Variants in CNTN6 observed in about 807,000 individuals in gnomAD.
The protein encoded by CNTN6 is contactin-6.
In CNTN6, 137 loss-of-function variants were observed where a neutral mutation model predicts 122.8. That is an observed-to-expected ratio of 1.12 (90% confidence interval 0.97 to 1.29). The LOEUF (loss-of-function observed/expected upper bound fraction) is 1.29. Ranked by LOEUF, CNTN6 falls within the 50% of genes most tolerant of loss-of-function variation. CNTN6 has a pLI of 0.00. For synonymous variants in CNTN6, 570 were observed against 426.0 expected (o/e 1.34, Z -4.16); for missense variants, 1,634 against 1,223.4 (o/e 1.34, Z -5.01).
chr3:1,373,547 C>T (rs1338425330), intron 14 of CNTN6, 57 bp from the exon 15 acceptor site: 3 of 1,545,552 alleles, frequency 1.9e-6, no homozygotes, highest in South Asian at 1.2e-5. Context: ...CATCCTAGTA[C>T]CAAATTAATG....
At chr3:1,318,401 C>T (rs563475691) in intron 7 of CNTN6, among the ~76,000 whole-genome samples, 1 of 151,542 alleles carries the variant, frequency 6.6e-6, no homozygotes, top group Non-Finnish European at 1.5e-5. Context: ...TATAAAAATA[C>T]TATAATAAGA....
intron 20 of CNTN6, among the ~76,000 whole-genome samples, chr3:1,400,725 G>A (rs1468775307): frequency 6.6e-6 from 1 of 152,062 alleles, no homozygotes. Context: ...GACTATCTCT[G>A]AACAGAGGAG....
chr3:1,388,191 C>T (rs567285452), intron 20 of CNTN6, among the ~76,000 whole-genome samples: 11 of 150,798 alleles, frequency 7.3e-5, no homozygotes, highest in East Asian at 5.8e-4. Flanking sequence ...AGCACTGGTT[C>T]TCCCAGCATG....
intron 7 of CNTN6, among the ~76,000 whole-genome samples, chr3:1,300,789 C>T (rs1220496908): frequency 1.3e-5 from 2 of 151,960 alleles, no homozygotes; most frequent in Non-Finnish European, 2.9e-5. Flanking sequence ...GCTACATTCC[C>T]TTTCTCTCTC....
chr3:1,127,061 A>C (rs934656652), intron 1 of CNTN6, among the ~76,000 whole-genome samples: 3 of 151,594 alleles, frequency 2.0e-5, no homozygotes, highest in African/African-American at 4.8e-5. Flanking sequence ...ATATAAAAGT[A>C]AATTTAGTTT....
At chr3:1,170,818 C>T (rs921616282) in intron 2 of CNTN6, among the ~76,000 whole-genome samples, 1 of 152,180 alleles carries the variant, frequency 6.6e-6, no homozygotes, top group African/African-American at 2.4e-5. Flanking sequence ...CATCTCTGCT[C>T]TTTAAGAAGT....
At chr3:1,379,322 G>A (rs1036764169) in intron 17 of CNTN6, among the ~76,000 whole-genome samples, 2 of 152,122 alleles carry the variant, frequency 1.3e-5, no homozygotes, top group Non-Finnish European at 2.9e-5. Flanking sequence ...ATCCATTAAT[G>A]TATTGATGCT....
chr3:1,165,372 C>T (rs954812621), intron 2 of CNTN6, among the ~76,000 whole-genome samples: 43 of 152,160 alleles, frequency 2.8e-4, no homozygotes, highest in African/African-American at 9.9e-4. Context: ...TTATGTTTCT[C>T]ATTTTGCAAA....
At chr3:1,287,657 A>C (rs1694579386) in intron 5 of CNTN6, among the ~76,000 whole-genome samples, 2 of 150,934 alleles carry the variant, frequency 1.3e-5, no homozygotes, top group Admixed American at 1.3e-4. Context: ...GAAGCCAGCC[A>C]AAACCCACCA....
At position 1,104,510 on chromosome 3, in the gene CNTN6, G is replaced by C. The variant is rs892974831; in HGVS notation, c.-83+11390G>C. On this transcript the variant is annotated intron_variant, in intron 1 of 22. Coordinates refer to ENST00000446702, the MANE Select transcript of CNTN6 (RefSeq NM_001289080.2). ...ATAGTACCAGTGGATTTACTAAGAA[G>C]GTAAAATTTGTTCAAAATTTGCAAA... 2.0e-5 allele frequency among the ~76,000 whole-genome samples: 3 copies of C among 152,060 alleles called. No homozygotes were observed. In the East Asian group the frequency reaches 5.8e-4, roughly 29 times the overall value.
At chr3:1,304,942 G>GA (rs1287364094) in intron 7 of CNTN6, among the ~76,000 whole-genome samples, 4 of 140,792 alleles carry the variant, frequency 2.8e-5, no homozygotes, top group Non-Finnish European at 6.0e-5. Context: ...AGTGAGCTGA[G>GA]ATCGTGCTGC....
intron 2 of CNTN6, among the ~76,000 whole-genome samples, chr3:1,184,929 T>C (rs2093607862): frequency 6.6e-6 from 1 of 152,088 alleles, no homozygotes; most frequent in Non-Finnish European, 1.5e-5. Context: ...TATAAAAATA[T>C]TTTGGCTGTG....
chr3:1,166,399 A>C (rs1387874806), intron 2 of CNTN6, among the ~76,000 whole-genome samples: 1 of 152,186 alleles, frequency 6.6e-6, no homozygotes. Flanking sequence ...TGCCAAACAC[A>C]AGGCAATTTC....
At position 1,306,945 on chromosome 3, in the gene CNTN6, T is replaced by C. The variant is rs182790818; in HGVS notation, c.761+8954T>C. 2.6e-5 allele frequency among the ~76,000 whole-genome samples: 4 copies of C among 152,310 alleles called. 1 individual carries two copies. The East Asian group carries it at 5.8e-4, about 22-fold the overall frequency. On this transcript the variant is annotated intron_variant, in intron 7 of 22. Transcript: ENST00000446702. The stretch of plus-strand genomic sequence containing the variant: ...TTTCCTCACTCACTCATTTGACAAA[T>C]TGAGCACAAATTATTCATTCACTTA...
chr3:1,321,745 A>G lies in CNTN6; in HGVS notation c.857A>G (p.Asn286Ser). Residue 286 changes from asparagine (N) to serine (S), a missense_variant, in exon 8 of 23, where the codon AAC becomes AGC. Physicochemically the swap from Asn to Ser is conservative, Grantham distance 46. Coordinates refer to ENST00000446702, the MANE Select transcript of CNTN6 (RefSeq NM_001289080.2). ...TCCCAAGCTATCCTTGAAATCCCGA[A>G]CTTCCAACAAGAAGATGAAGGCTTT... ...SKSQAILEIP[N>S]FQQEDEGFYE... The G allele has an allele frequency of 1.9e-6, 3 of 1,611,930 alleles. No homozygotes were observed. The highest frequency in any genetic ancestry group is 2.5e-6 in the Non-Finnish European group (3 of 1,178,656).
chr3:1,373,624 G>A lies in CNTN6; in HGVS notation c.1807G>A (p.Asp603Asn), dbSNP rs751018812. ...IVRGPPGPPEDVQVEDISSTT... is the reference protein window; with the variant it reads ...IVRGPPGPPENVQVEDISSTT... ...TCAAGGTCCACCAGGTCCTCCTGAG[G>A]ATGTGCAAGTGGAAGACATTTCCAG... Residue 603 changes from aspartate to asparagine, a missense_variant, in exon 15 of 23, where the codon GAT (aspartate) becomes AAT (asparagine). By Grantham distance (23) the Asp-to-Asn change is conservative (BLOSUM62 1). Coordinates refer to ENST00000446702, the MANE Select transcript of CNTN6 (RefSeq NM_001289080.2). The A allele has an allele frequency of 7.4e-6, 12 of 1,612,300 alleles. No individual in the cohort carries two copies. Among genetic ancestry groups the A allele is most frequent in the South Asian group, 1.1e-5 (1 of 90,968 alleles).
At chr3:1,321,588 C>G (rs1290518703) in intron 7 of CNTN6, 62 bp from the exon 8 acceptor site, 6 of 1,400,206 alleles carry the variant, frequency 4.3e-6, no homozygotes, top group Non-Finnish European at 5.8e-6. Context: ...GGATGCTCTT[C>G]TTTTATTTTG....
chr3:1,270,849 G>A (rs919410049), intron 4 of CNTN6, among the ~76,000 whole-genome samples: 1 of 152,204 alleles, frequency 6.6e-6, no homozygotes, highest in Non-Finnish European at 1.5e-5. Flanking sequence ...TGGTGGTTAA[G>A]CGAATGCACT....
In CNTN6 at chr3:1,201,607, CT is replaced by C. The variant is rs374089335; in HGVS notation, c.56-19078del. 1.3e-3 allele frequency among the ~76,000 whole-genome samples: 195 copies of C among 152,220 alleles called. 1 individual carries two copies. The highest frequency in any genetic ancestry group is 4.4e-3 in the African/African-American group (184 of 41,522). On this transcript the variant is annotated intron_variant, in intron 2 of 22. Transcript: ENST00000446702. ...TTAGAACAACCCCAACATCAATTCC[CT>C]TATATCCAGTAGTTCCACTTCTAGA... is the stretch of plus-strand genomic sequence containing the variant.
Sources: allele counts gnomAD v4.1 joint callset (sites outside exome capture counted in the v4.1 genomes callset), GRCh38; gene constraint gnomAD v4.1.1; transcripts MANE v1.5; gene names NCBI Gene and HGNC (gene_info 2026-07-23, HGNC 2026-07-21).